CCAR1: variants seen among roughly 807,000 people sequenced by gnomAD.
CCAR1 encodes cell division cycle and apoptosis regulator protein 1.
CCAR1 carries 78 observed loss-of-function variants against 163.8 expected under a neutral mutation model. That is an observed-to-expected ratio of 0.48 (90% CI 0.40 to 0.57). The LOEUF (loss-of-function observed/expected upper bound fraction) is 0.57, where lower values mean the gene tolerates loss of function less well. Ranked by LOEUF, CCAR1 falls within the 20% of genes least tolerant of loss-of-function variation. The pLI, the probability that CCAR1 is intolerant of heterozygous loss-of-function variation, is 0.00. For synonymous variants in CCAR1, 443 were observed against 460.7 expected, an observed-to-expected ratio of 0.96 and a Z score of 0.49; for missense variants, 1,019 against 1,365.2, an observed-to-expected ratio of 0.75 and a Z score of 4.00.
intron 19 of CCAR1, among the ~76,000 whole-genome samples, chr10:68,782,064 G>A (rs1462501252): frequency 2.0e-5 from 3 of 152,142 alleles, no homozygotes; most frequent in Non-Finnish European, 4.4e-5. Flanking sequence ...CATGCAAATG[G>A]TGAGGAAATG....
At chr10:68,747,018 G>C (rs1342186989) in intron 6 of CCAR1, 143 bp from the exon 7 acceptor site, 4 of 528,768 alleles carry the variant, frequency 7.6e-6, no homozygotes, top group South Asian at 6.4e-5. Context: ...AGCTTTCCAG[G>C]CTTCCATTTC....
chr10:68,724,435 A>C (rs34756266), intron 2 of CCAR1, among the ~76,000 whole-genome samples: 3 of 152,034 alleles, frequency 2.0e-5, no homozygotes, highest in Non-Finnish European at 4.4e-5. Flanking sequence ...GCTACACTCC[A>C]GTCTGGGTGA....
chr10:68,778,298 C>A (rs577671032), intron 19 of CCAR1, among the ~76,000 whole-genome samples: 1 of 152,284 alleles, frequency 6.6e-6, no homozygotes, highest in South Asian at 2.1e-4. Context: ...ATCTCTTAAC[C>A]CCTCTTCTTG....
chr10:68,757,477 C>T (rs532515244), intron 15 of CCAR1, 100 bp downstream of exon 15: 27 of 615,542 alleles, frequency 4.4e-5, no homozygotes, highest in South Asian at 3.4e-4. Context: ...TGTAGTGGCG[C>T]GATCTCGGCT....
intron 19 of CCAR1, among the ~76,000 whole-genome samples, chr10:68,785,376 A>G (rs1286406307): frequency 6.6e-6 from 1 of 151,682 alleles, no homozygotes; most frequent in East Asian, 1.9e-4. Flanking sequence ...GTGTGCTACC[A>G]TGCCTGGCTA....
intron 15 of CCAR1, among the ~76,000 whole-genome samples, chr10:68,757,915 G>A (rs1350109562): frequency 1.6e-4 from 24 of 151,788 alleles, no homozygotes; most frequent in Admixed American, 1.4e-3. Flanking sequence ...TAATTGTTTT[G>A]TATTTTTAGT....
chr10:68,742,790 A>G (rs1184924741), intron 6 of CCAR1, among the ~76,000 whole-genome samples: 1 of 151,636 alleles, frequency 6.6e-6, no homozygotes, highest in Non-Finnish European at 1.5e-5. Flanking sequence ...TAATTTTTGT[A>G]TCTTTATTAG....
intron 6 of CCAR1, among the ~76,000 whole-genome samples, chr10:68,744,366 T>C (rs992251965): frequency 2.0e-5 from 3 of 152,168 alleles, no homozygotes; most frequent in Non-Finnish European, 2.9e-5. Flanking sequence ...GGCTTGTCCT[T>C]GTAATCTCAG....
At chr10:68,744,454 C>G (rs2056226402) in intron 6 of CCAR1, among the ~76,000 whole-genome samples, 1 of 151,974 alleles carries the variant, frequency 6.6e-6, no homozygotes, top group Non-Finnish European at 1.5e-5. Context: ...ATGGCAAGAC[C>G]CCATCTCTAA....
intron 21 of CCAR1, 128 bp downstream of exon 21, chr10:68,786,820 C>T (rs1291781581): frequency 2.7e-6 from 2 of 738,898 alleles, no homozygotes; most frequent in Non-Finnish European, 2.1e-6. Flanking sequence ...CGTGGTGGCT[C>T]ACACCTATAA....
At chr10:68,757,201 A>T in intron 14 of CCAR1, 93 bp from the exon 15 acceptor site, 1 of 708,364 alleles carries the variant, frequency 1.4e-6, no homozygotes, top group Non-Finnish European at 2.4e-6. Flanking sequence ...AACATTTGTG[A>T]CCTTGCACAG....
At position 68,755,390 on chromosome 10, in the gene CCAR1, C is replaced by T; in HGVS notation, c.1479C>T (p.Gly493=). The part of the protein sequence containing the change: ...RLVKFLVGMK[G]KDEAMAIGGH... ...ATTAGTTTTTAGTGGGCATGAAAGG[C>T]AAGGATGAAGCTATGGCCATTGGAG... The change falls in exon 13 of 25, where the codon GGC becomes GGT. Residue 493 remains glycine, a synonymous_variant. Coordinates refer to ENST00000265872, the MANE Select transcript of CCAR1 (RefSeq NM_018237.4). 1.2e-6 allele frequency: 2 copies of T among 1,612,270 alleles called. No homozygotes were observed. Among genetic ancestry groups the T allele is most frequent in the African/African-American group, 2.7e-5 (2 of 74,946 alleles).
chr10:68,788,309 G>A lies in CCAR1; in HGVS notation c.3168G>A (p.Gln1056=). The change falls in exon 23 of 25, where the codon CAG becomes CAA. Residue 1056 remains glutamine, a synonymous_variant. Coordinates refer to ENST00000265872, the MANE Select transcript of CCAR1 (RefSeq NM_018237.4). ...GAGCTGAGGTAGAACAGAAGCTGCA[G>A]TTACTAGAAGAAAAAACAGGTAAGG... The part of the protein sequence containing the change: ...KVRAEVEQKL[Q]LLEEKTDEDE... The A allele has an allele frequency of 1.3e-6, 2 of 1,564,998 alleles. No homozygotes were observed. Among genetic ancestry groups the A allele is most frequent in the Non-Finnish European group, 1.7e-6 (2 of 1,164,702 alleles).
At position 68,788,113 on chromosome 10, in the gene CCAR1, T is replaced by TA. The variant is rs770569245; in HGVS notation, c.3002-29dup. ...TAGTAATTAAAGAAGAAAAATAACT[T>TA]ACTAAAATATGGTATATTTTATATT... is the stretch of plus-strand genomic sequence containing the variant. On this transcript the variant is annotated intron_variant, in intron 22 of 24. Transcript: ENST00000265872. 6.2e-5 allele frequency: 95 copies of TA among 1,521,892 alleles called. No homozygotes were observed. The African/African-American group carries it at 1.1e-3, about 18-fold the overall frequency. The allele number at this position is 1,521,892 out of a possible 1,614,324, so 94.3% of individuals were successfully genotyped here.
chr10:68,734,832 A>C (rs973083954), intron 2 of CCAR1, among the ~76,000 whole-genome samples: 1 of 152,096 alleles, frequency 6.6e-6, no homozygotes, highest in Non-Finnish European at 1.5e-5. Flanking sequence ...TTTTACCTAA[A>C]GTTTCTGCAT....
Position 68,755,537 on chromosome 10 carries a change from G to T in CCAR1, c.1625+1G>T. The T allele has an allele frequency of 6.2e-7, 1 of 1,609,344 alleles. No individual in the cohort carries two copies. Among genetic ancestry groups the T allele is most frequent in the South Asian group, 1.1e-5 (1 of 90,422 alleles). ...TTGATCTAAGTGTGTGCACACAATG[G>T]TAAGTACTAATTCATTTCTTGATTA... On this transcript the variant is annotated splice_donor_variant, in intron 13 of 24. Transcript: ENST00000265872. LOFTEE classifies it high-confidence loss of function.
At chr10:68,775,252 A>T (rs2056649775) in intron 19 of CCAR1, among the ~76,000 whole-genome samples, 1 of 152,178 alleles carries the variant, frequency 6.6e-6, no homozygotes, top group African/African-American at 2.4e-5. Context: ...TCGTAATAGC[A>T]TCTATTATTA....
rs1346895850 is a variant in CCAR1 at position 68,747,402 on chromosome 10, A to G, written c.662A>G (p.Lys221Arg). Residue 221 changes from lysine (K) to arginine (R), a missense_variant, in exon 8 of 25, where the codon AAG becomes AGG. By Grantham distance (26) the Lys-to-Arg change is conservative. Around this residue, in one of 4 missense-constraint regions of CCAR1, gnomAD observed 644 missense variants for 904.4 expected, o/e 0.71. Transcript: ENST00000265872. ...QNQSQTQPLL[K>R]TPPAVLQPIA... ...CAGTCGCAAACCCAGCCATTACTGA[A>G]GACTCCTCCTGCTGTACTTCAGCCA... is the stretch of plus-strand genomic sequence containing the variant. 2 of 1,613,804 alleles carry G rather than the reference A, an allele frequency of 1.2e-6. No individual in the cohort carries two copies. Among genetic ancestry groups the G allele is most frequent in the African/African-American group, 1.3e-5 (1 of 74,886 alleles).
chr10:68,767,289 A>G (rs1175590316), intron 17 of CCAR1, among the ~76,000 whole-genome samples: 4 of 152,004 alleles, frequency 2.6e-5, no homozygotes, highest in Non-Finnish European at 5.9e-5. Flanking sequence ...TTTATTTTTG[A>G]GACAGTCTCA....
Sources: allele counts gnomAD v4.1 joint callset (sites outside exome capture counted in the v4.1 genomes callset), GRCh38; gene constraint gnomAD v4.1.1; regional missense constraint gnomAD v4.1.1; transcripts MANE v1.5; gene names NCBI Gene and HGNC (gene_info 2026-07-23, HGNC 2026-07-21).